The following CCDC91 variants were observed in gnomAD, a reference collection of about 807,000 sequenced individuals.
CCDC91 encodes coiled-coil domain-containing protein 91.
In CCDC91, 48 loss-of-function variants were observed where a neutral mutation model predicts 63.2. That is an observed-to-expected ratio of 0.76 (90% CI 0.60 to 0.97). CCDC91 has a LOEUF of 0.97. Among genes scored for constraint, CCDC91 ranks in the 50% least tolerant of loss-of-function variants. The probability of loss-of-function intolerance (pLI) is 0.00; values close to 1 mark genes in which losing one functional copy is unlikely to be tolerated. For missense variants in CCDC91, 500 were observed against 494.6 expected (o/e 1.01, Z -0.10); for synonymous variants, 167 against 165.8 (o/e 1.01, Z -0.06).
chr12:28,353,905 G>A (rs1472138422), intron 6 of CCDC91, among the ~76,000 whole-genome samples: 4 of 152,104 alleles, frequency 2.6e-5, no homozygotes, highest in Non-Finnish European at 5.9e-5. Context: ...AAGGTGGAGG[G>A]TGGGAGGAGG....
At chr12:28,233,175 C>G (rs1592058767) in intron 1 of CCDC91, among the ~76,000 whole-genome samples, 1 of 152,016 alleles carries the variant, frequency 6.6e-6, no homozygotes, top group African/African-American at 2.4e-5. Flanking sequence ...TAACAATACT[C>G]CAGTCAAGAT....
At chr12:28,424,219 T>G (rs1479041253) in intron 8 of CCDC91, among the ~76,000 whole-genome samples, 1 of 152,164 alleles carries the variant, frequency 6.6e-6, no homozygotes, top group Non-Finnish European at 1.5e-5. Flanking sequence ...AGTGAGTTAC[T>G]GTGCCTGGCC....
intron 1 of CCDC91, among the ~76,000 whole-genome samples, chr12:28,222,477 A>G (rs1213659255): frequency 6.6e-6 from 1 of 152,176 alleles, no homozygotes; most frequent in Non-Finnish European, 1.5e-5. Context: ...GATATGTACT[A>G]TATTTTTTGG....
chr12:28,194,007 T>A (rs1203795917), intron 1 of CCDC91, among the ~76,000 whole-genome samples: 2 of 152,252 alleles, frequency 1.3e-5, no homozygotes, highest in Non-Finnish European at 2.9e-5. Context: ...TCCTTTCATT[T>A]TCTTAACAGT....
At chr12:28,478,133 A>T (rs886997811) in intron 11 of CCDC91, among the ~76,000 whole-genome samples, 4 of 152,150 alleles carry the variant, frequency 2.6e-5, no homozygotes, top group African/African-American at 7.2e-5. Flanking sequence ...TATGGAACCA[A>T]AAAAGAGCCC....
At chr12:28,252,990 G>A (rs1946224912) in intron 1 of CCDC91, among the ~76,000 whole-genome samples, 1 of 152,166 alleles carries the variant, frequency 6.6e-6, no homozygotes, top group Non-Finnish European at 1.5e-5. Flanking sequence ...AATGTTTTAA[G>A]TAAAATGCCC....
chr12:28,548,996 A>G, intron 12 of CCDC91, 67 bp from the exon 13 acceptor site: 2 of 1,089,278 alleles, frequency 1.8e-6, no homozygotes, highest in Non-Finnish European at 2.8e-6. Flanking sequence ...CAGAGACATA[A>G]TATTCTTTAT....
At chr12:28,441,012 C>T (rs147718717) in intron 8 of CCDC91, among the ~76,000 whole-genome samples, 1,305 of 114,726 alleles carry the variant, frequency 0.011, 11 homozygotes, top group African/African-American at 0.017. Flanking sequence ...GAGCCAAGAT[C>T]GTGCCACTGC....
intron 1 of CCDC91, among the ~76,000 whole-genome samples, chr12:28,245,122 A>G (rs1387076183): frequency 6.6e-6 from 1 of 152,124 alleles, no homozygotes; most frequent in African/African-American, 2.4e-5. Context: ...ACCATGGTAT[A>G]TCTTAGTTGT....
chr12:28,421,286 G>T (rs139038074), intron 8 of CCDC91, among the ~76,000 whole-genome samples: 198 of 152,134 alleles, frequency 1.3e-3, no homozygotes, highest in African/African-American at 4.2e-3. Flanking sequence ...TGGGGATTTG[G>T]TATATAGATT....
At chr12:28,297,358 A>C (rs1277990737) in intron 3 of CCDC91, among the ~76,000 whole-genome samples, 9 of 151,672 alleles carry the variant, frequency 5.9e-5, no homozygotes, top group Non-Finnish European at 1.3e-4. Flanking sequence ...GTTTTGACAT[A>C]GTTAGCTTTT....
chr12:28,311,124 A>C (rs1163123292), intron 6 of CCDC91, among the ~76,000 whole-genome samples: 1 of 151,974 alleles, frequency 6.6e-6, no homozygotes, highest in Non-Finnish European at 1.5e-5. Context: ...TAAAATGACA[A>C]GTTTTCCACT....
chr12:28,541,447 A>G (rs1249783266), intron 12 of CCDC91, among the ~76,000 whole-genome samples: 2 of 152,104 alleles, frequency 1.3e-5, no homozygotes, highest in Admixed American at 1.3e-4. Context: ...AAGGTCATCT[A>G]ACTTCTGCTA....
intron 12 of CCDC91, among the ~76,000 whole-genome samples, chr12:28,509,232 A>T (rs527447398): frequency 7.2e-5 from 11 of 151,956 alleles, no homozygotes; most frequent in East Asian, 2.0e-4. Flanking sequence ...TCTCCTCTTG[A>T]TCTAGCACTC....
At chr12:28,404,616 A>T (rs1248141138) in intron 8 of CCDC91, among the ~76,000 whole-genome samples, 3 of 151,986 alleles carry the variant, frequency 2.0e-5, no homozygotes, top group African/African-American at 7.2e-5. Flanking sequence ...TTAATAATGA[A>T]TTATTTTATT....
chr12:28,268,091 T>C (rs1428449303), intron 3 of CCDC91, among the ~76,000 whole-genome samples: 1 of 148,098 alleles, frequency 6.8e-6, no homozygotes, highest in Non-Finnish European at 1.5e-5. Context: ...TGAGACAGAG[T>C]CTTGCTCTGT....
At chr12:28,443,766 G>A (rs925219888) in intron 8 of CCDC91, among the ~76,000 whole-genome samples, 3 of 152,130 alleles carry the variant, frequency 2.0e-5, no homozygotes, top group African/African-American at 4.8e-5. Flanking sequence ...TTAAAAATCT[G>A]TCAGGGGTTT....
intron 12 of CCDC91, among the ~76,000 whole-genome samples, chr12:28,539,890 A>G (rs1942500203): frequency 6.6e-6 from 1 of 152,126 alleles, no homozygotes; most frequent in Admixed American, 6.6e-5. Flanking sequence ...AAAATCCTGA[A>G]TGATGAGGAA....
At position 28,234,234 on chromosome 12, in the gene CCDC91, C is replaced by T. The variant is rs73263451; in HGVS notation, c.-14-22968C>T. On this transcript the variant is annotated intron_variant, in intron 1 of 12. Transcript: ENST00000536442. ...GTAGTGTAGCCTTTTGGTATTAGAC[C>T]CAAATCTTTTCTATGAACACAGGTC... Among the ~76,000 whole-genome samples, 232 of 151,802 alleles carry T rather than the reference C, an allele frequency of 1.5e-3. 1 individual carries two copies. The highest frequency in any genetic ancestry group is 5.3e-3 in the African/African-American group (221 of 41,386).
Sources: allele counts gnomAD v4.1 joint callset (sites outside exome capture counted in the v4.1 genomes callset), GRCh38; gene constraint gnomAD v4.1.1; transcripts MANE v1.5; gene names NCBI Gene and HGNC (gene_info 2026-07-23, HGNC 2026-07-21).